Variants in DMD observed in about 807,000 individuals in gnomAD.
The protein encoded by DMD is dystrophin, also known as mutant dystrophin.
In DMD, 63 loss-of-function variants were observed where a neutral mutation model predicts 330.1. The ratio of observed to expected loss-of-function variants is 0.19; its 90% CI spans 0.16 to 0.24. The LOEUF is 0.24. Among genes scored for constraint, DMD ranks in the 10% least tolerant of loss-of-function variants. The pLI is 1.00. For missense variants in DMD, 3,344 were observed against 2,684.1 expected (o/e 1.25, Z -5.43); for synonymous variants, 1,223 against 959.8 (o/e 1.27, Z -5.07).
intron 1 of DMD, among the ~76,000 whole-genome samples, chrX:33,124,476 GAAAAAAAAAAAAAAAAAA>G (rs56147804): frequency 1.2e-4 from 2 of 16,131 alleles, no homozygotes; most frequent in East Asian, 2.6e-3. Flanking sequence ...GACTCTGTCT[GAAAAAAAAAAAAAAAAAA>G]AAAAAAAAAA....
intron 50 of DMD, among the ~76,000 whole-genome samples, chrX:31,776,264 T>C (rs748917989): frequency 1.3e-3 from 145 of 111,231 alleles, no homozygotes; most frequent in African/African-American, 4.7e-3. Context: ...CTAAAATAGA[T>C]ACACAAGGTA....
intron 7 of DMD, among the ~76,000 whole-genome samples, chrX:32,803,361 CT>C (rs2076721466): frequency 9.2e-6 from 1 of 109,230 alleles, no homozygotes; most frequent in South Asian, 3.8e-4. Flanking sequence ...TCTCTCTTTT[CT>C]TCTTTTTTAG....
intron 7 of DMD, among the ~76,000 whole-genome samples, chrX:32,715,778 A>C (rs2147836785): frequency 9.0e-6 from 1 of 111,135 alleles, no homozygotes. Flanking sequence ...TGGCAGAGTG[A>C]GACTTCATCT....
intron 17 of DMD, among the ~76,000 whole-genome samples, chrX:32,528,602 G>T (rs2047142385): frequency 9.0e-6 from 1 of 111,502 alleles, no homozygotes; most frequent in African/African-American, 3.3e-5. Flanking sequence ...AAGAAGGGAA[G>T]TGGGGGTCAG....
At chrX:31,919,562 A>C (rs1177656551) in intron 47 of DMD, among the ~76,000 whole-genome samples, 6 of 111,987 alleles carry the variant, frequency 5.4e-5, no homozygotes, top group African/African-American at 1.9e-4. Context: ...CACTTGGCCA[A>C]CCATGCCAAA....
At chrX:32,335,847 A>T (rs1264918922) in intron 41 of DMD, among the ~76,000 whole-genome samples, 1 of 105,319 alleles carries the variant, frequency 9.5e-6, no homozygotes, top group African/African-American at 3.4e-5. Flanking sequence ...TGCATATATA[A>T]CATGTTATAT....
At chrX:31,341,883 G>GACACACACACACA (rs1491287928) in intron 61 of DMD, among the ~76,000 whole-genome samples, 1 of 53,398 alleles carries the variant, frequency 1.9e-5, no homozygotes, top group Non-Finnish European at 3.3e-5. Context: ...GCGCGTGCGT[G>GACACACACACACA]CGCGCGCGCA....
intron 2 of DMD, among the ~76,000 whole-genome samples, chrX:32,863,535 T>TACACACAC (rs1297666216): frequency 1.8e-4 from 3 of 16,513 alleles, no homozygotes; most frequent in African/African-American, 1.2e-3. Context: ...AGATTGTGTT[T>TACACACAC]ATACACACAC....
chrX:31,394,502 T>C (rs1333064510), intron 60 of DMD, among the ~76,000 whole-genome samples: 2 of 112,315 alleles, frequency 1.8e-5, no homozygotes, highest in Non-Finnish European at 3.8e-5. Flanking sequence ...TACAATTAAA[T>C]CGATATTCCA....
At chrX:31,301,556 C>T (rs751977904) in intron 62 of DMD, among the ~76,000 whole-genome samples, 19 of 111,485 alleles carry the variant, frequency 1.7e-4, no homozygotes, top group East Asian at 8.5e-4. Context: ...AGTACAGCAA[C>T]GGAGAAATCT....
chrX:32,987,926 T>C (rs1675363011), intron 2 of DMD, among the ~76,000 whole-genome samples: 1 of 109,752 alleles, frequency 9.1e-6, no homozygotes, highest in African/African-American at 3.3e-5. Context: ...TGGTAAAAAT[T>C]ATAAAATGAT....
At chrX:32,037,980 C>G (rs2095963689) in intron 44 of DMD, among the ~76,000 whole-genome samples, 1 of 111,601 alleles carries the variant, frequency 9.0e-6, no homozygotes, top group African/African-American at 3.3e-5. Flanking sequence ...AACACATAAC[C>G]AAACCAAAGT....
chrX:32,492,677 T>G (rs1465163594), intron 19 of DMD, among the ~76,000 whole-genome samples: 3 of 112,449 alleles, frequency 2.7e-5, no homozygotes, highest in Non-Finnish European at 3.8e-5. Context: ...CTCTCTAAAG[T>G]TAGTTTACAA....
intron 9 of DMD, among the ~76,000 whole-genome samples, chrX:32,656,783 T>A (rs1490409358): frequency 8.9e-6 from 1 of 111,875 alleles, no homozygotes; most frequent in Admixed American, 9.6e-5. Context: ...AATAAATATT[T>A]ACTAAATTGT....
chrX:32,606,621 T>A (rs1209287744), intron 12 of DMD, among the ~76,000 whole-genome samples: 1 of 109,189 alleles, frequency 9.2e-6, no homozygotes, highest in Admixed American at 9.8e-5. Flanking sequence ...ATGTTTATCA[T>A]AGCACTATTT....
In DMD at chrX:31,595,057, G is replaced by A. The variant is rs779270210; in HGVS notation, c.8217+32616C>T. On this transcript the variant is annotated intron_variant, in intron 55 of 78. Coordinates refer to ENST00000357033, the MANE Select transcript of DMD (RefSeq NM_004006.3). ...TTTATAACATTTAATATGCTTTATA[G>A]TAGTATTTGTTATGTAGACAAATGA... Among the ~76,000 whole-genome samples the A allele has an allele frequency of 6.3e-5, 7 of 111,263 alleles. No homozygotes were observed. In the South Asian group the frequency reaches 1.5e-3, roughly 24 times the overall value.
intron 30 of DMD, among the ~76,000 whole-genome samples, chrX:32,390,819 C>G: frequency 9.0e-6 from 1 of 111,210 alleles, no homozygotes; most frequent in Non-Finnish European, 1.9e-5. Context: ...TGTGCCTGGC[C>G]TTAGTGTAGT....
intron 50 of DMD, among the ~76,000 whole-genome samples, chrX:31,801,710 G>A (rs1006558428): frequency 1.8e-5 from 2 of 110,031 alleles, no homozygotes. Context: ...AATACATACA[G>A]TTTTTATTTC....
At chrX:32,731,204 G>T (rs982610496) in intron 7 of DMD, among the ~76,000 whole-genome samples, 1 of 112,161 alleles carries the variant, frequency 8.9e-6, no homozygotes, top group Non-Finnish European at 1.9e-5. Context: ...TGTTTCCGAC[G>T]GGCTTAAAAA....
Sources: gnomAD v4.1 joint callset for allele counts (sites outside exome capture counted in the v4.1 genomes callset) on GRCh38, gnomAD v4.1.1 for gene constraint, MANE v1.5 for transcripts, NCBI Gene and HGNC (gene_info 2026-07-23, HGNC 2026-07-21) for gene names.